The following ATXN1 variants were observed in gnomAD, a reference collection of about 807,000 sequenced individuals.
ATXN1 encodes ataxin-1.
A neutral mutation model predicts 56.4 loss-of-function variants in ATXN1; 8 were observed. The observed-to-expected ratio is 0.14, with a 90% CI of 0.08 to 0.26. The LOEUF (loss-of-function observed/expected upper bound fraction) is 0.26. Among genes scored for constraint, ATXN1 ranks in the 10% least tolerant of loss-of-function variants. ATXN1 has a pLI of 1.00. For missense variants in ATXN1, 987 were observed against 1,106.5 expected (o/e 0.89, Z 1.53); for synonymous variants, 514 against 494.6 (o/e 1.04, Z -0.52).
intron 2 of ATXN1, among the ~76,000 whole-genome samples, chr6:16,713,008 A>G (rs1299788785): frequency 6.6e-6 from 1 of 152,206 alleles, no homozygotes; most frequent in Admixed American, 6.5e-5. Flanking sequence ...TGAATTACTA[A>G]GACAAGCAAG....
chr6:16,636,608 G>A (rs1763601866), intron 3 of ATXN1, among the ~76,000 whole-genome samples: 1 of 152,166 alleles, frequency 6.6e-6, no homozygotes. Context: ...CCTCCTTATG[G>A]CTACTAACAT....
intron 2 of ATXN1, among the ~76,000 whole-genome samples, chr6:16,698,119 G>C (rs1347389722): frequency 5.3e-5 from 8 of 152,202 alleles, no homozygotes; most frequent in Non-Finnish European, 1.5e-5. Context: ...GGGAAAGAAA[G>C]AGCAGTGCCA....
chr6:16,414,980 AGT>A (rs1222211178), intron 6 of ATXN1, among the ~76,000 whole-genome samples: 1 of 152,228 alleles, frequency 6.6e-6, no homozygotes, highest in Non-Finnish European at 1.5e-5. Context: ...TAATTAGCTG[AGT>A]ATATATGACA....
At chr6:16,360,858 C>T (rs1761793140) in intron 6 of ATXN1, among the ~76,000 whole-genome samples, 1 of 152,218 alleles carries the variant, frequency 6.6e-6, no homozygotes, top group Non-Finnish European at 1.5e-5. Context: ...TATCCCAATA[C>T]ACCACTGGGG....
At chr6:16,355,723 G>A (rs186298627) in intron 6 of ATXN1, among the ~76,000 whole-genome samples, 26 of 152,176 alleles carry the variant, frequency 1.7e-4, no homozygotes, top group Admixed American at 8.5e-4. Context: ...CACCACGCCC[G>A]GCTAATTTTT....
At chr6:16,653,051 AT>A in intron 3 of ATXN1, 1 of 152,356 alleles carries the variant, frequency 6.6e-6, no homozygotes, top group East Asian at 1.9e-4. Flanking sequence ...GTGTTAATGC[AT>A]TTGGTAGTGG....
rs530419190 is a variant in ATXN1, at chr6:16,433,755, G to C, written c.-161+52217C>G. 4.8e-3 allele frequency among the ~76,000 whole-genome samples: 726 copies of C among 152,340 alleles called. 1 individual carries two copies. The highest frequency in any genetic ancestry group is 0.01 in the Middle Eastern group (3 of 294). On this transcript the variant is annotated intron_variant, in intron 6 of 7. Coordinates refer to ENST00000436367, the MANE Select transcript of ATXN1 (RefSeq NM_001128164.2). The stretch of plus-strand genomic sequence containing the variant: ...AACAAAAGTAAGAAAAGTGCTCAAA[G>C]GAAGGCCAGAAATAGTGAAGCCAGA...
intron 3 of ATXN1, among the ~76,000 whole-genome samples, chr6:16,639,042 A>G (rs1259094859): frequency 1.3e-5 from 2 of 152,216 alleles, no homozygotes; most frequent in African/African-American, 4.8e-5. Flanking sequence ...CACACCAATC[A>G]GCGCTCTGTA....
chr6:16,351,528 G>C (rs942931248), intron 6 of ATXN1, among the ~76,000 whole-genome samples: 3 of 151,686 alleles, frequency 2.0e-5, no homozygotes, highest in Non-Finnish European at 4.4e-5. Context: ...TCTGCCTCTT[G>C]AGTTGCTGGG....
intron 6 of ATXN1, among the ~76,000 whole-genome samples, chr6:16,362,690 T>C (rs1287074600): frequency 1.3e-5 from 2 of 152,352 alleles, no homozygotes; most frequent in Admixed American, 1.3e-4. Context: ...CAGATCATTC[T>C]TTGCAGAATA....
At position 16,347,266 on chromosome 6, in the gene ATXN1, G is replaced by A. The variant is rs1002547226; in HGVS notation, c.-160-18796C>T. 2.0e-5 allele frequency among the ~76,000 whole-genome samples: 3 copies of A among 152,084 alleles called. No individual in the cohort carries two copies. In the South Asian group the frequency reaches 6.2e-4, roughly 32 times the overall value. On this transcript the variant is annotated intron_variant, in intron 6 of 7. Transcript: ENST00000436367. ...AGGCAGCTCCACCTACTGCCTCTGTGAAGATCCACTAGGTGAAGCCAGCTG... is the reference window on the plus strand; with the variant it reads ...AGGCAGCTCCACCTACTGCCTCTGTAAAGATCCACTAGGTGAAGCCAGCTG...
intron 6 of ATXN1, among the ~76,000 whole-genome samples, chr6:16,484,163 T>G (rs1760493736): frequency 6.6e-6 from 1 of 152,152 alleles, no homozygotes; most frequent in Non-Finnish European, 1.5e-5. Flanking sequence ...CTGGGGATGG[T>G]GGCTCATGCC....
chr6:16,368,842 G>C (rs1260116807), intron 6 of ATXN1, among the ~76,000 whole-genome samples: 1 of 152,196 alleles, frequency 6.6e-6, no homozygotes, highest in Non-Finnish European at 1.5e-5. Context: ...TGGTATTTTA[G>C]AAAGTGCTAA....
intron 2 of ATXN1, among the ~76,000 whole-genome samples, chr6:16,678,778 G>A (rs1157813184): frequency 6.6e-6 from 1 of 152,346 alleles, no homozygotes; most frequent in Admixed American, 6.5e-5. Context: ...GCTCACGCCT[G>A]TAATCCCAGC....
At chr6:16,734,951 T>C (rs529171686) in intron 2 of ATXN1, among the ~76,000 whole-genome samples, 72 of 152,350 alleles carry the variant, frequency 4.7e-4, no homozygotes, top group African/African-American at 1.6e-3. Context: ...CCCTTATTTT[T>C]TATAATTTAC....
chr6:16,330,310 A>G (rs1242752725), intron 6 of ATXN1, among the ~76,000 whole-genome samples: 9 of 151,662 alleles, frequency 5.9e-5, no homozygotes, highest in Non-Finnish European at 1.3e-4. Context: ...CTACTGAAAC[A>G]TAACCCCCTT....
Position 16,623,126 on chromosome 6 carries a change from GTTTA to G in ATXN1, c.-489+34646_-489+34649del, listed in dbSNP as rs143584546. On this transcript the variant is annotated intron_variant, in intron 3 of 7. Transcript: ENST00000436367. Reference sequence around the variant, plus strand: ...TTTAATAAACATTCAAGTAGTTTGGGTTTATTTTTTTAAACCATTATTAACACAA... The same window carrying G: ...TTTAATAAACATTCAAGTAGTTTGGGTTTTTTTAAACCATTATTAACACAA... Among the ~76,000 whole-genome samples the G allele has an allele frequency of 5.9e-3, 903 of 152,060 alleles. 7 individuals carry two copies. Among genetic ancestry groups the G allele is most frequent in the African/African-American group, 0.021 (880 of 41,464 alleles).
In ATXN1 at chr6:16,451,728, G is replaced by A. The variant is rs1258669674; in HGVS notation, c.-161+34244C>T. ...CAAGATCGTGCCATTGCTCTCCAGC[G>A]TGGGCAACAAGAGCAAAACTCCGTC... On this transcript the variant is annotated intron_variant, in intron 6 of 7. Transcript: ENST00000436367. Among the ~76,000 whole-genome samples, 11 of 151,446 alleles carry A rather than the reference G, an allele frequency of 7.3e-5. No homozygotes were observed. In the South Asian group the frequency reaches 1.5e-3, roughly 20 times the overall value.
chr6:16,417,262 T>C (rs1024776544), intron 6 of ATXN1, among the ~76,000 whole-genome samples: 1 of 152,136 alleles, frequency 6.6e-6, no homozygotes, highest in Non-Finnish European at 1.5e-5. Flanking sequence ...CTTTAACTTC[T>C]GACCTTAGGC....
Sources: allele counts gnomAD v4.1 joint callset (sites outside exome capture counted in the v4.1 genomes callset), GRCh38; gene constraint gnomAD v4.1.1; transcripts MANE v1.5; gene names NCBI Gene and HGNC (gene_info 2026-07-23, HGNC 2026-07-21).